SLC25A13: variants seen among roughly 807,000 people sequenced by gnomAD.
The protein encoded by SLC25A13 is solute carrier family 25 member 13.
SLC25A13 carries 70 observed loss-of-function variants against 85.5 expected under a neutral mutation model. The ratio of observed to expected loss-of-function variants is 0.82; its 90% CI spans 0.68 to 1.00. The LOEUF (loss-of-function observed/expected upper bound fraction) is 1.00, where lower values mean the gene tolerates loss of function less well. SLC25A13 is among the 50% of genes least tolerant of loss of function. The probability of loss-of-function intolerance (pLI) is 0.00; values close to 1 mark genes in which losing one functional copy is unlikely to be tolerated. For synonymous variants in SLC25A13, 259 were observed against 288.7 expected (o/e 0.90, Z 1.04); for missense variants, 765 against 819.8 (o/e 0.93, Z 0.82).
chr7:96,202,408 C>T (rs77717395), intron 5 of SLC25A13, among the ~76,000 whole-genome samples: 4,609 of 152,248 alleles, frequency 0.03, 179 homozygotes, highest in African/African-American at 0.087. Context: ...CAGGTGACCT[C>T]ATTCTTAAAC....
intron 15 of SLC25A13, among the ~76,000 whole-genome samples, chr7:96,131,102 AGACTG>A (rs567946730): frequency 1.3e-3 from 196 of 152,344 alleles, no homozygotes; most frequent in African/African-American, 4.5e-3. Context: ...GAGCTAATCC[AGACTG>A]TTCCTGCTCT....
At chr7:96,297,582 C>A (rs1424589576) in intron 1 of SLC25A13, among the ~76,000 whole-genome samples, 1 of 152,140 alleles carries the variant, frequency 6.6e-6, no homozygotes, top group Non-Finnish European at 1.5e-5. Context: ...GATCTGCCCG[C>A]CTCAGCCTCC....
intron 4 of SLC25A13, among the ~76,000 whole-genome samples, chr7:96,216,905 G>GT (rs755737398): frequency 6.6e-6 from 1 of 150,718 alleles, no homozygotes; most frequent in African/African-American, 2.4e-5. Flanking sequence ...AAATAAAAAA[G>GT]TTTAAAAAAA....
At chr7:96,289,548 G>A (rs371549063) in intron 2 of SLC25A13, among the ~76,000 whole-genome samples, 16 of 152,222 alleles carry the variant, frequency 1.1e-4, no homozygotes, top group East Asian at 7.7e-4. Context: ...AATAACCAGC[G>A]TAGAGAAGTC....
chr7:96,284,453 A>T (rs979449715), intron 2 of SLC25A13, among the ~76,000 whole-genome samples: 3 of 152,196 alleles, frequency 2.0e-5, no homozygotes, highest in Non-Finnish European at 2.9e-5. Context: ...CAATTATAAA[A>T]ATCCAAGTGT....
chr7:96,176,839 C>A (rs142350400), intron 11 of SLC25A13, among the ~76,000 whole-genome samples: 1 of 152,142 alleles, frequency 6.6e-6, no homozygotes, highest in African/African-American at 2.4e-5. Context: ...CTATTTCCAA[C>A]GGGCTGGCAG....
At chr7:96,260,832 C>G (rs1401147981) in intron 3 of SLC25A13, among the ~76,000 whole-genome samples, 2 of 152,084 alleles carry the variant, frequency 1.3e-5, no homozygotes, top group African/African-American at 4.8e-5. Flanking sequence ...CACTGTCACC[C>G]ACTTCATCCC....
chr7:96,201,001 T>A (rs1003780907), intron 5 of SLC25A13, among the ~76,000 whole-genome samples: 5 of 152,130 alleles, frequency 3.3e-5, no homozygotes, highest in Non-Finnish European at 7.4e-5. Flanking sequence ...TGGCTTCCAT[T>A]TGGACACAAA....
At position 96,208,898 on chromosome 7, in the gene SLC25A13, T is replaced by C. The variant is rs188486690; in HGVS notation, c.408A>G (p.Leu136=). ...PFNWDSEFVQ[L]HFGKERKRHL... ...GTCTTTTTCTTTCTTTTCCAAAATG[T>C]AGTTGCACAAATTCTGAATCCCAGT... is the stretch of plus-strand genomic sequence containing the variant. The change falls in exon 5 of 18, where the codon CTA becomes CTG. Residue 136 remains leucine (L), a synonymous_variant. Coordinates refer to ENST00000265631, the MANE Select transcript of SLC25A13 (RefSeq NM_014251.3). 2.8e-5 allele frequency: 45 copies of C among 1,614,118 alleles called. No individual in the cohort carries two copies. The African/African-American group carries it at 4.3e-4, about 15-fold the overall frequency.
intron 15 of SLC25A13, among the ~76,000 whole-genome samples, chr7:96,129,774 A>C (rs1791939959): frequency 6.6e-6 from 1 of 152,214 alleles, no homozygotes; most frequent in African/African-American, 2.4e-5. Context: ...GGAATGAATA[A>C]TGTGTGTGGT....
At chr7:96,304,068 G>T (rs1799650764) in intron 1 of SLC25A13, among the ~76,000 whole-genome samples, 1 of 152,014 alleles carries the variant, frequency 6.6e-6, no homozygotes, top group East Asian at 1.9e-4. Flanking sequence ...GAAGAAAAAG[G>T]TATCTCAAAC....
At chr7:96,251,171 G>A (rs965250574) in intron 3 of SLC25A13, among the ~76,000 whole-genome samples, 6 of 152,154 alleles carry the variant, frequency 3.9e-5, no homozygotes, top group African/African-American at 1.2e-4. Context: ...GAAGTACAAG[G>A]CCTCTAGGTG....
chr7:96,247,007 C>T (rs958566817), intron 3 of SLC25A13, among the ~76,000 whole-genome samples: 1 of 152,146 alleles, frequency 6.6e-6, no homozygotes, highest in South Asian at 2.1e-4. Context: ...ACAACAATGA[C>T]GTATTCATTT....
chr7:96,294,604 G>T (rs1177808434), intron 2 of SLC25A13, among the ~76,000 whole-genome samples: 1 of 117,190 alleles, frequency 8.5e-6, no homozygotes, highest in Admixed American at 9.5e-5. Context: ...GTGAGACTCT[G>T]TCTCAGAAAA....
At chr7:96,194,485 C>G (rs1183375875) in intron 5 of SLC25A13, among the ~76,000 whole-genome samples, 1 of 125,584 alleles carries the variant, frequency 8.0e-6, no homozygotes, top group Non-Finnish European at 1.7e-5. Flanking sequence ...CAACAGGGCT[C>G]TCAAAAACTT....
chr7:96,251,200 A>G (rs997091026), intron 3 of SLC25A13, among the ~76,000 whole-genome samples: 10 of 152,192 alleles, frequency 6.6e-5, no homozygotes, highest in African/African-American at 2.2e-4. Context: ...CACGGCAAGC[A>G]CGGTGTGTTC....
intron 3 of SLC25A13, among the ~76,000 whole-genome samples, chr7:96,272,812 G>A (rs918642219): frequency 6.6e-6 from 1 of 152,204 alleles, no homozygotes; most frequent in South Asian, 2.1e-4. Context: ...ACCAAGGAAT[G>A]TTGGACAATA....
chr7:96,236,582 T>A (rs929789778), intron 3 of SLC25A13, among the ~76,000 whole-genome samples: 3 of 152,226 alleles, frequency 2.0e-5, no homozygotes, highest in Non-Finnish European at 4.4e-5. Flanking sequence ...TTAGGGATTA[T>A]CTACTTCAAC....
intron 13 of SLC25A13, among the ~76,000 whole-genome samples, chr7:96,147,560 C>G (rs984712786): frequency 6.6e-6 from 1 of 152,196 alleles, no homozygotes; most frequent in African/African-American, 2.4e-5. Flanking sequence ...TTCTTTCTTA[C>G]TGTACTTCAA....
Sources: gnomAD v4.1 joint callset for allele counts (sites outside exome capture counted in the v4.1 genomes callset) on GRCh38, gnomAD v4.1.1 for gene constraint, MANE v1.5 for transcripts, NCBI Gene and HGNC (gene_info 2026-07-23, HGNC 2026-07-21) for gene names.